Variants in WSB2 observed in about 807,000 individuals in gnomAD.
WSB2 encodes WD repeat and SOCS box containing 2.
In WSB2, 12 loss-of-function variants were observed where a neutral mutation model predicts 48.8. The observed-to-expected ratio is 0.25, with a 90% CI of 0.16 to 0.40. WSB2 has a LOEUF of 0.40. Among genes scored for constraint, WSB2 ranks in the 10% least tolerant of loss-of-function variants. WSB2 has a pLI of 1.00. For missense variants in WSB2, 317 were observed against 506.2 expected (o/e 0.63, Z 3.59); for synonymous variants, 191 against 203.1 (o/e 0.94, Z 0.51).
In WSB2 at chr12:118,057,314, G is replaced by A. The variant is rs533156102; in HGVS notation, c.13+3722C>T. The stretch of plus-strand genomic sequence containing the variant: ...TTTTGAGACAGAGTCTCACTCTGCT[G>A]CCCAGGCTGGAGTGCAGTGGCGCCA... On this transcript the variant is annotated intron_variant, in intron 1 of 8. Coordinates refer to ENST00000315436, the MANE Select transcript of WSB2 (RefSeq NM_018639.5). Among the ~76,000 whole-genome samples, 1,044 of 151,960 alleles carry A rather than the reference G, an allele frequency of 6.9e-3. 8 individuals carry two copies. Among genetic ancestry groups the A allele is most frequent in the Non-Finnish European group, 0.011 (771 of 67,942 alleles).
chr12:118,051,780 C>T (rs2031857571), intron 2 of WSB2, among the ~76,000 whole-genome samples: 1 of 152,206 alleles, frequency 6.6e-6, no homozygotes, highest in Non-Finnish European at 1.5e-5. Flanking sequence ...TTGAGACCAG[C>T]CTGGCCAACA....
intron 2 of WSB2, among the ~76,000 whole-genome samples, chr12:118,051,331 T>C (rs1022184984): frequency 1.3e-5 from 2 of 152,192 alleles, no homozygotes; most frequent in Non-Finnish European, 2.9e-5. Flanking sequence ...TCTATAAATG[T>C]TCATAGCAGC....
intron 8 of WSB2, chr12:118,034,583 G>GTCTCTCTCTCTC (rs10624358): frequency 2.0e-4 from 105 of 538,260 alleles, no homozygotes; most frequent in African/African-American, 1.9e-3. Flanking sequence ...CGCTCTCTCT[G>GTCTCTCTCTCTC]TCTCTCTCTC....
chr12:118,059,044 G>A (rs1423499584), intron 1 of WSB2, among the ~76,000 whole-genome samples: 1 of 152,038 alleles, frequency 6.6e-6, no homozygotes, highest in African/African-American at 2.4e-5. Context: ...TTTATTGTCT[G>A]TCTCTTTCTG....
chr12:118,051,888 C>T (rs1407665395), intron 2 of WSB2, among the ~76,000 whole-genome samples: 5 of 152,048 alleles, frequency 3.3e-5, no homozygotes, highest in African/African-American at 7.2e-5. Context: ...GCAGGAGAAT[C>T]GCTTGAACCC....
At chr12:118,062,057 C>T (rs2137808458), upstream of WSB2, 7 of 1,520,468 alleles carry the variant, frequency 4.6e-6, no homozygotes, top group Admixed American at 1.2e-4. Context: ...AGATAAAAAA[C>T]GGGGCAGGAG....
At chr12:118,036,104 A>T (rs2031503793) in intron 6 of WSB2, 2 of 369,072 alleles carry the variant, frequency 5.4e-6, no homozygotes, top group Non-Finnish European at 9.9e-6. Context: ...CGGGAGGCTC[A>T]GGCAGCAGAA....
chr12:118,049,244 A>C (rs1276805044), intron 2 of WSB2, among the ~76,000 whole-genome samples: 2 of 152,206 alleles, frequency 1.3e-5, no homozygotes, highest in Non-Finnish European at 2.9e-5. Flanking sequence ...GATTAAAAAC[A>C]CATAACAAAA....
chr12:118,054,700 A>AATG (rs1260043947), intron 1 of WSB2, among the ~76,000 whole-genome samples: 1 of 150,010 alleles, frequency 6.7e-6, no homozygotes, highest in Non-Finnish European at 1.5e-5. Flanking sequence ...TAATAATAAT[A>AATG]ATAATAATAA....
At chr12:118,043,612 C>T (rs2137778644) in intron 2 of WSB2, among the ~76,000 whole-genome samples, 1 of 152,224 alleles carries the variant, frequency 6.6e-6, no homozygotes, top group East Asian at 1.9e-4. Context: ...GCTCTGTTAA[C>T]TTTGTTTGTA....
In WSB2 at chr12:118,057,639, T is replaced by C. The variant is rs1010668477; in HGVS notation, c.13+3397A>G. On this transcript the variant is annotated intron_variant, in intron 1 of 8. Transcript: ENST00000315436. ...ATGGAATATAACATGTTTTGATATA[T>C]GTATACATTGTGGAATGGCTCAGTC... 1.0e-3 allele frequency among the ~76,000 whole-genome samples: 157 copies of C among 152,304 alleles called. 3 individuals are homozygous for C. The highest frequency in any genetic ancestry group is 0.01 in the Admixed American group (155 of 15,300).
chr12:118,046,798 GTC>G (rs2031756199), intron 2 of WSB2, among the ~76,000 whole-genome samples: 1 of 152,068 alleles, frequency 6.6e-6, no homozygotes, highest in Non-Finnish European at 1.5e-5. Context: ...TAAAGACAGG[GTC>G]TCTCTCTGGC....
Position 118,035,324 on chromosome 12 carries a change from G to A in WSB2, c.834C>T (p.His278=). Reference sequence around the variant, plus strand: ...CCATGGCGGGGTCAACCTGGGTGTGGCTGGGAAGGAAAGAAACAGGATGGC... The same window carrying A: ...CCATGGCGGGGTCAACCTGGGTGTGACTGGGAAGGAAAGAAACAGGATGGC... The part of the protein sequence containing the change: ...PYTGERLRSL[H]HTQVDPAMDD... Residue 278 remains histidine (H), a splice_region_variant and synonymous_variant, in exon 7 of 9, where the codon CAC becomes CAT. Coordinates refer to ENST00000315436, the MANE Select transcript of WSB2 (RefSeq NM_018639.5). The A allele has an allele frequency of 6.2e-7, 1 of 1,613,876 alleles. No homozygotes were observed. The highest frequency in any genetic ancestry group is 8.5e-7 in the Non-Finnish European group (1 of 1,179,892).
In WSB2 at chr12:118,054,527, G is replaced by A. The variant is rs376688488; in HGVS notation, c.14-2049C>T. Among the ~76,000 whole-genome samples, 138 of 151,744 alleles carry A rather than the reference G, an allele frequency of 9.1e-4. 2 individuals carry two copies. In the East Asian group the frequency reaches 0.021, roughly 23 times the overall value. The stretch of plus-strand genomic sequence containing the variant: ...CTCTACTAAAAATACAAAATAAGCC[G>A]GGCTTGGTGGCGCATGCCTGTAATC... On this transcript the variant is annotated intron_variant, in intron 1 of 8. Transcript: ENST00000315436.
At chr12:118,034,419 T>A in intron 8 of WSB2, 61 bp from the exon 9 acceptor site, 1 of 1,581,236 alleles carries the variant, frequency 6.3e-7, no homozygotes, top group South Asian at 1.1e-5. Flanking sequence ...TTCATGAGGA[T>A]GAATACTCAT....
chr12:118,038,172 G>T, intron 5 of WSB2, 116 bp downstream of exon 5: 3 of 937,494 alleles, frequency 3.2e-6, no homozygotes, highest in Non-Finnish European at 4.6e-6. Context: ...TGGCCCACCA[G>T]CATGCCTTCT....
intron 2 of WSB2, 109 bp downstream of exon 2, chr12:118,052,201 T>C: frequency 7.0e-7 from 1 of 1,431,270 alleles, no homozygotes; most frequent in Admixed American, 2.4e-5. Context: ...GATCAATTCC[T>C]GAACCATGAG....
chr12:118,034,046 T>C lies in WSB2; in HGVS notation c.*150A>G. On this transcript the variant is annotated 3_prime_UTR_variant, in exon 9 of 9. Transcript: ENST00000315436. Reference sequence around the variant, plus strand: ...CAGGGAGAGAAAGATCCATGACTAGTACACTGGAATCTGGTTTTGCTACAT... The same window carrying C: ...CAGGGAGAGAAAGATCCATGACTAGCACACTGGAATCTGGTTTTGCTACAT... 2 of 1,046,744 alleles carry C rather than the reference T, an allele frequency of 1.9e-6. No homozygotes were observed. The highest frequency in any genetic ancestry group is 2.8e-6 in the Non-Finnish European group (2 of 704,786). The allele number at this position is 1,046,744 out of a possible 1,614,324, so 64.8% of individuals were successfully genotyped here.
Position 118,033,836 on chromosome 12 carries a change from G to C in WSB2, c.*360C>G. ...CAGCGGAGGGAGTGTGAGCTGCTCT[G>C]CCACTAGAGAGGCTCTGGAGGCCTA... On this transcript the variant is annotated 3_prime_UTR_variant, in exon 9 of 9. Coordinates refer to ENST00000315436, the MANE Select transcript of WSB2 (RefSeq NM_018639.5). The C allele has an allele frequency of 3.8e-6, 1 of 262,936 alleles. No homozygotes were observed. Among genetic ancestry groups the C allele is most frequent in the Non-Finnish European group, 7.5e-6 (1 of 134,048 alleles). The allele number at this position is 262,936 out of a possible 1,614,324, so 16.3% of individuals were successfully genotyped here.
Sources: gnomAD v4.1 joint callset for allele counts (sites outside exome capture counted in the v4.1 genomes callset) on GRCh38, gnomAD v4.1.1 for gene constraint, MANE v1.5 for transcripts, NCBI Gene and HGNC (gene_info 2026-07-23, HGNC 2026-07-21) for gene names.